The following FLVCR2 variants were observed in gnomAD, a reference collection of about 807,000 sequenced individuals.
FLVCR2 encodes the protein FLVCR choline and putative heme transporter 2.
Under a neutral mutation model 48.9 loss-of-function variants are expected in FLVCR2, and 38 were observed. That is an observed-to-expected ratio of 0.78 (90% CI 0.60 to 1.02). The LOEUF (loss-of-function observed/expected upper bound fraction) is 1.02, where lower values mean the gene tolerates loss of function less well. Ranked by LOEUF, FLVCR2 falls within the 50% of genes least tolerant of loss-of-function variation. FLVCR2 has a pLI of 0.00. For synonymous variants in FLVCR2, 255 were observed against 257.0 expected, an observed-to-expected ratio of 0.99 and a Z score of 0.07; for missense variants, 664 against 663.3, an observed-to-expected ratio of 1.00 and a Z score of -0.01.
chr14:75,592,386 G>C (rs73305479), intron 1 of FLVCR2, among the ~76,000 whole-genome samples: 39,760 of 151,916 alleles, frequency 0.26, 5,587 homozygotes, highest in East Asian at 0.56. Context: ...GTCCTCCTAG[G>C]CCTCTGGGTC....
At chr14:75,613,477 C>G (rs193163425) in intron 1 of FLVCR2, among the ~76,000 whole-genome samples, 1 of 152,142 alleles carries the variant, frequency 6.6e-6, no homozygotes, top group Non-Finnish European at 1.5e-5. Flanking sequence ...ATCTGCCCCC[C>G]TGACCCAATC....
chr14:75,605,652 A>G, intron 1 of FLVCR2: 1 of 1,534,438 alleles, frequency 6.5e-7, no homozygotes, highest in South Asian at 1.2e-5. Flanking sequence ...TTCCTTCCCA[A>G]CTTCTTTGGG....
intron 1 of FLVCR2, among the ~76,000 whole-genome samples, chr14:75,591,019 A>C (rs1321249644): frequency 6.6e-6 from 1 of 152,230 alleles, no homozygotes; most frequent in Non-Finnish European, 1.5e-5. Context: ...GTTTACTTCC[A>C]ATATACAACG....
chr14:75,619,424 A>T (rs904547268), intron 1 of FLVCR2, among the ~76,000 whole-genome samples: 1 of 151,816 alleles, frequency 6.6e-6, no homozygotes, highest in African/African-American at 2.4e-5. Context: ...TAATAGAGAG[A>T]TGTGTCATTC....
intron 1 of FLVCR2, among the ~76,000 whole-genome samples, chr14:75,604,969 G>A (rs1417265350): frequency 2.0e-5 from 3 of 152,164 alleles, no homozygotes; most frequent in East Asian, 1.9e-4. Context: ...ATACTCACTG[G>A]GTCAACCCCT....
intron 3 of FLVCR2, among the ~76,000 whole-genome samples, chr14:75,633,243 G>GC (rs1383044413): frequency 6.6e-6 from 1 of 152,144 alleles, no homozygotes; most frequent in African/African-American, 2.4e-5. Context: ...TCAAGAAGGG[G>GC]CAGGGTCATC....
At position 75,587,416 on chromosome 14, in the gene FLVCR2, T is replaced by A. The variant is rs140622521; in HGVS notation, c.669+7775T>A. 2.6e-3 allele frequency among the ~76,000 whole-genome samples: 394 copies of A among 152,298 alleles called. 3 individuals are homozygous for A. The highest frequency in any genetic ancestry group is 9.0e-3 in the African/African-American group (373 of 41,568). On this transcript the variant is annotated intron_variant, in intron 1 of 9. Transcript: ENST00000238667. ...AGTTTCCAGCAGTTTTGTTTAGAGT[T>A]TGAGGGCCTAACACTTGTCTTCTTT...
chr14:75,645,241 C>T (rs1566799388), intron 9 of FLVCR2, among the ~76,000 whole-genome samples: 1 of 152,124 alleles, frequency 6.6e-6, no homozygotes, highest in Admixed American at 6.6e-5. Context: ...CTGAGACACT[C>T]CCTGGGGAAG....
At chr14:75,628,375 A>C (rs2140043216) in intron 3 of FLVCR2, among the ~76,000 whole-genome samples, 1 of 152,288 alleles carries the variant, frequency 6.6e-6, no homozygotes, top group Non-Finnish European at 1.5e-5. Flanking sequence ...TTGGCCTCCC[A>C]ACAAAAACAA....
intron 1 of FLVCR2, among the ~76,000 whole-genome samples, chr14:75,588,242 A>G (rs1280429793): frequency 6.6e-6 from 1 of 152,226 alleles, no homozygotes; most frequent in Non-Finnish European, 1.5e-5. Context: ...TCCAAGGCCA[A>G]GCGACCAGCA....
At chr14:75,628,808 T>C (rs1183543211) in intron 3 of FLVCR2, among the ~76,000 whole-genome samples, 1 of 152,246 alleles carries the variant, frequency 6.6e-6, no homozygotes, top group Non-Finnish European at 1.5e-5. Context: ...ACAGTAATGA[T>C]ACTTATTTCC....
At chr14:75,631,951 CCACTGTGGCT>C (rs1890052243) in intron 3 of FLVCR2, 2 of 424,622 alleles carry the variant, frequency 4.7e-6, no homozygotes, top group South Asian at 1.7e-5. Context: ...GTTGGTTGGC[CCACTGTGGCT>C]CACTGTGCTG....
At position 75,647,375 on chromosome 14, in the gene FLVCR2, G is replaced by A. The variant is rs1279180273; in HGVS notation, c.*903G>A. 6.6e-6 allele frequency: 1 copy of A among 152,202 alleles called. No homozygotes were observed. The highest frequency in any genetic ancestry group is 6.5e-5 in the Admixed American group (1 of 15,288). 9.4% of individuals were successfully genotyped at this position (152,202 alleles called of 1,614,324 possible). On this transcript the variant is annotated 3_prime_UTR_variant, in exon 10 of 10. Transcript: ENST00000238667. ...CAAGTGCTTGTTTTATTCCAAGGCAGGGTAATCCCCGTCAACTTACTCTAA... is the reference window on the plus strand; with the variant it reads ...CAAGTGCTTGTTTTATTCCAAGGCAAGGTAATCCCCGTCAACTTACTCTAA...
At chr14:75,642,117 C>T in intron 9 of FLVCR2, 1 of 594,590 alleles carries the variant, frequency 1.7e-6, no homozygotes, top group South Asian at 2.1e-5. Context: ...ACTCTTCTCC[C>T]ACTTCCTGCC....
intron 1 of FLVCR2, among the ~76,000 whole-genome samples, chr14:75,584,120 C>T (rs1420192677): frequency 6.6e-6 from 1 of 152,178 alleles, no homozygotes; most frequent in East Asian, 1.9e-4. Flanking sequence ...GGCCCAGTGG[C>T]CAGGCTTCTG....
At chr14:75,641,417 C>T (rs1255261522) in intron 8 of FLVCR2, 124 bp downstream of exon 8, 1 of 725,908 alleles carries the variant, frequency 1.4e-6, no homozygotes, top group Admixed American at 2.0e-5. Flanking sequence ...GTTGGGGAAT[C>T]TGTTGGGAGG....
intron 5 of FLVCR2, among the ~76,000 whole-genome samples, chr14:75,637,240 T>C (rs1233579993): frequency 6.6e-6 from 1 of 152,204 alleles, no homozygotes; most frequent in Non-Finnish European, 1.5e-5. Context: ...GTTTCTTCAT[T>C]GGTAAAATGA....
At chr14:75,605,852 T>A in intron 1 of FLVCR2, 3 of 536,716 alleles carry the variant, frequency 5.6e-6, no homozygotes, top group Non-Finnish European at 1.0e-5. Context: ...GGTTTTCTCC[T>A]TTTTTTCTTC....
intron 1 of FLVCR2, among the ~76,000 whole-genome samples, chr14:75,619,328 C>G (rs1177940937): frequency 6.6e-6 from 1 of 152,144 alleles, no homozygotes; most frequent in African/African-American, 2.4e-5. Context: ...TCAAGATACA[C>G]TAGGGTATCC....
Sources: allele counts gnomAD v4.1 joint callset (sites outside exome capture counted in the v4.1 genomes callset), GRCh38; gene constraint gnomAD v4.1.1; transcripts MANE v1.5; gene names NCBI Gene and HGNC (gene_info 2026-07-23, HGNC 2026-07-21).